The following FSTL4 variants were observed in gnomAD, a reference collection of about 807,000 sequenced individuals.
FSTL4 encodes the protein follistatin like 4.
In FSTL4, 28 loss-of-function variants were observed where a neutral mutation model predicts 78.2. That is an observed-to-expected ratio of 0.36 (90% CI 0.27 to 0.49). The LOEUF (loss-of-function observed/expected upper bound fraction) is 0.49, where lower values mean the gene tolerates loss of function less well. Ranked by LOEUF, FSTL4 falls within the 20% of genes least tolerant of loss-of-function variation. The pLI is 0.98. For missense variants in FSTL4, 922 were observed against 1,084.9 expected, an observed-to-expected ratio of 0.85 and a Z score of 2.11; for synonymous variants, 422 against 440.5, an observed-to-expected ratio of 0.96 and a Z score of 0.53.
chr5:133,395,155 C>T (rs1755978923), intron 4 of FSTL4, among the ~76,000 whole-genome samples: 1 of 152,146 alleles, frequency 6.6e-6, no homozygotes, highest in African/African-American at 2.4e-5. Context: ...GCAGGCTGCC[C>T]CAGCCAGCAG....
At chr5:133,237,008 T>C (rs1751682729) in intron 7 of FSTL4, among the ~76,000 whole-genome samples, 1 of 152,192 alleles carries the variant, frequency 6.6e-6, no homozygotes, top group Admixed American at 6.5e-5. Flanking sequence ...AAAAAATAGC[T>C]GTCGAGGGGA....
In FSTL4 at chr5:133,225,824, G is replaced by T; in HGVS notation, c.1016-5C>A. 1 of 1,563,604 alleles carries T rather than the reference G, an allele frequency of 6.4e-7. No homozygotes were observed. The highest frequency in any genetic ancestry group is 1.9e-5 in the Admixed American group (1 of 52,642). On this transcript the variant is annotated splice_region_variant and splice_polypyrimidine_tract_variant and intron_variant, in intron 8 of 15. Coordinates refer to ENST00000265342, the MANE Select transcript of FSTL4 (RefSeq NM_015082.2). The surrounding 1 kb of genome is among the most constrained non-coding windows in gnomAD (Gnocchi z 4.6). ...AGACACGGATGACTGGCGGCACTGT[G>T]GGTGAGAGTCAGTGCTGGTGAGAAA...
At chr5:133,561,613 C>T (rs33613) in intron 3 of FSTL4, among the ~76,000 whole-genome samples, 10,582 of 152,202 alleles carry the variant, frequency 0.07, 486 homozygotes, top group Non-Finnish European at 0.097. Flanking sequence ...GTGTGAGAAT[C>T]CTTTTATCAG....
At chr5:133,717,810 T>C in the FSTL4 span, among the ~76,000 whole-genome samples, 3 of 152,266 alleles carry the variant, frequency 2.0e-5, no homozygotes, top group Non-Finnish European at 2.9e-5. Context: ...CCATACTGTC[T>C]ATTCATTTAT....
intron 4 of FSTL4, among the ~76,000 whole-genome samples, chr5:133,364,907 C>T (rs1466472021): frequency 1.3e-5 from 2 of 152,046 alleles, no homozygotes; most frequent in African/African-American, 4.8e-5. Flanking sequence ...ATGTTCATCC[C>T]CCTCTTAATC....
Position 133,358,973 on chromosome 5 carries a change from T to A in FSTL4, c.409+41765A>T, listed in dbSNP as rs192613013. ...TCTCCGATGATCCCAACATGCAGAG[T>A]GAGCATTCAGGTCTGGTTACCCATG... On this transcript the variant is annotated intron_variant, in intron 4 of 15. Transcript: ENST00000265342. Among the ~76,000 whole-genome samples the A allele has an allele frequency of 3.2e-4, 49 of 152,146 alleles. No homozygotes were observed. In the East Asian group the frequency reaches 4.1e-3, roughly 13 times the overall value.
intron 3 of FSTL4, among the ~76,000 whole-genome samples, chr5:133,421,539 C>T (rs1028781214): frequency 6.6e-6 from 1 of 152,242 alleles, no homozygotes; most frequent in African/African-American, 2.4e-5. Context: ...TTCGCTTGCC[C>T]TTGTGGTGTG....
intron 4 of FSTL4, among the ~76,000 whole-genome samples, chr5:133,358,552 G>A (rs1424530433): frequency 1.3e-5 from 2 of 151,508 alleles, no homozygotes; most frequent in Non-Finnish European, 1.5e-5. Context: ...CCTTGTGTTC[G>A]CTTGCACGAT....
chr5:133,420,287 T>C (rs1756664547), intron 3 of FSTL4, among the ~76,000 whole-genome samples: 1 of 152,238 alleles, frequency 6.6e-6, no homozygotes, highest in African/African-American at 2.4e-5. Context: ...TCTAGGTTGA[T>C]AGCAATGTTT....
intron 3 of FSTL4, among the ~76,000 whole-genome samples, chr5:133,564,376 T>C (rs780889812): frequency 1.3e-5 from 2 of 152,190 alleles, no homozygotes; most frequent in Non-Finnish European, 2.9e-5. Flanking sequence ...ATGATAGCCA[T>C]AGAACATTTC....
At chr5:133,629,033 C>A in the FSTL4 span, among the ~76,000 whole-genome samples, 2 of 145,974 alleles carry the variant, frequency 1.4e-5, no homozygotes, top group African/African-American at 5.2e-5. Context: ...TGAGAGAGGG[C>A]ATCCTTGTCT....
Position 133,426,717 on chromosome 5 carries a change from G to A in FSTL4, c.161-25731C>T, listed in dbSNP as rs1214661269. On this transcript the variant is annotated intron_variant, in intron 3 of 15. Coordinates refer to ENST00000265342, the MANE Select transcript of FSTL4 (RefSeq NM_015082.2). This position sits in a 1 kb window ranked among gnomAD's most constrained non-coding sequence, Gnocchi z 5.0. ...GGCTGGAGGCACAAGCCTCAGTCCT[G>A]TTATTTCCCAGGGAGACAGTCAGCC... is the stretch of plus-strand genomic sequence containing the variant. 6.6e-6 allele frequency among the ~76,000 whole-genome samples: 1 copy of A among 152,140 alleles called. No individual in the cohort carries two copies. Among genetic ancestry groups the A allele is most frequent in the Non-Finnish European group, 1.5e-5 (1 of 68,032 alleles).
chr5:133,596,993 T>C (rs1204117805), intron 2 of FSTL4, among the ~76,000 whole-genome samples: 1 of 152,002 alleles, frequency 6.6e-6, no homozygotes, highest in Non-Finnish European at 1.5e-5. Context: ...GGTGGACAGA[T>C]GGCTTCTCAG....
intron 8 of FSTL4, among the ~76,000 whole-genome samples, chr5:133,226,573 G>T (rs975988778): frequency 6.6e-6 from 1 of 152,238 alleles, no homozygotes; most frequent in Admixed American, 6.5e-5. Context: ...GGGTCCAGGA[G>T]ATAAGTATCA....
At chr5:133,325,739 C>T (rs1032671151) in intron 4 of FSTL4, among the ~76,000 whole-genome samples, 2 of 152,178 alleles carry the variant, frequency 1.3e-5, no homozygotes, top group African/African-American at 2.4e-5. Flanking sequence ...GCTCCAGCCC[C>T]TCTTCAACCT....
At chr5:133,501,064 C>T (rs542277707) in intron 3 of FSTL4, among the ~76,000 whole-genome samples, 1 of 152,182 alleles carries the variant, frequency 6.6e-6, no homozygotes, top group African/African-American at 2.4e-5. Context: ...TGGAACATGG[C>T]TATCACTCAT....
the FSTL4 span, among the ~76,000 whole-genome samples, chr5:133,825,210 C>T: frequency 5.3e-5 from 8 of 152,298 alleles, no homozygotes; most frequent in Non-Finnish European, 1.0e-4. Flanking sequence ...TTGAAGGACA[C>T]ACCCCCCAGA....
chr5:133,791,277 T>TGC, the FSTL4 span, among the ~76,000 whole-genome samples: 2 of 133,742 alleles, frequency 1.5e-5, no homozygotes, highest in Admixed American at 1.4e-4. Flanking sequence ...CACATGTGCG[T>TGC]GCACACACAC....
the FSTL4 span, among the ~76,000 whole-genome samples, chr5:133,690,068 C>CAA: frequency 6.7e-6 from 1 of 149,688 alleles, no homozygotes. Flanking sequence ...TTTCAAAACA[C>CAA]ACAAACAAAC....
Sources: allele counts gnomAD v4.1 joint callset (sites outside exome capture counted in the v4.1 genomes callset), GRCh38; gene constraint gnomAD v4.1.1; non-coding constraint Gnocchi (gnomAD v3.1); transcripts MANE v1.5; gene names NCBI Gene and HGNC (gene_info 2026-07-23, HGNC 2026-07-21).